The following MAP3K19 variants were observed in gnomAD, a reference collection of about 807,000 sequenced individuals.
MAP3K19 encodes the protein SPS1/STE20-related protein kinase YSK4.
MAP3K19 carries 91 observed loss-of-function variants against 114.4 expected under a neutral mutation model. The ratio of observed to expected loss-of-function variants is 0.80; its 90% CI spans 0.67 to 0.95. MAP3K19 has a LOEUF of 0.95. MAP3K19 is among the 40% of genes least tolerant of loss of function. The pLI, the probability that MAP3K19 is intolerant of heterozygous loss-of-function variation, is 0.00. For missense variants in MAP3K19, 1,471 were observed against 1,573.2 expected, an observed-to-expected ratio of 0.94 and a Z score of 1.10; for synonymous variants, 518 against 530.5, an observed-to-expected ratio of 0.98 and a Z score of 0.32.
chr2:135,005,734 A>G (rs1440349580), intron 5 of MAP3K19, among the ~76,000 whole-genome samples: 1 of 152,228 alleles, frequency 6.6e-6, no homozygotes, highest in Non-Finnish European at 1.5e-5. Flanking sequence ...GATTAATTGC[A>G]TAATCAAAAA....
chr2:135,039,606 A>T (rs1688607271), intron 2 of MAP3K19, among the ~76,000 whole-genome samples: 1 of 152,110 alleles, frequency 6.6e-6, no homozygotes, highest in Admixed American at 6.6e-5. Context: ...CAAACAAAAA[A>T]ACAAAGTCCC....
chr2:134,997,549 A>G (rs61134960), intron 8 of MAP3K19, among the ~76,000 whole-genome samples: 56,701 of 151,812 alleles, frequency 0.37, 11,769 homozygotes, highest in East Asian at 0.73. Context: ...GGCCAGGCGC[A>G]GTGGCTCACA....
At chr2:135,006,437 A>G (rs1272252836) in intron 5 of MAP3K19, among the ~76,000 whole-genome samples, 1 of 152,234 alleles carries the variant, frequency 6.6e-6, no homozygotes, top group East Asian at 1.9e-4. Context: ...AAATTCTCTG[A>G]TAGCTCATTT....
At chr2:134,977,185 C>CTT (rs113967823) in intron 12 of MAP3K19, among the ~76,000 whole-genome samples, 14 of 141,698 alleles carry the variant, frequency 9.9e-5, no homozygotes, top group South Asian at 6.6e-4. Flanking sequence ...CCCCCACCCA[C>CTT]TTTTTTTTTT....
chr2:134,979,331 A>G (rs1463553878), intron 12 of MAP3K19, among the ~76,000 whole-genome samples: 5 of 152,166 alleles, frequency 3.3e-5, no homozygotes, highest in Admixed American at 3.3e-4. Context: ...CCTTCACAAT[A>G]ACCCTGTTAA....
intron 10 of MAP3K19, 114 bp from the exon 11 acceptor site, chr2:134,983,939 C>G (rs1684904300): frequency 4.4e-6 from 3 of 678,160 alleles, no homozygotes; most frequent in Non-Finnish European, 7.4e-6. Context: ...GCCACTCTTA[C>G]AGGTAACTTC....
intron 4 of MAP3K19, among the ~76,000 whole-genome samples, chr2:135,024,000 T>C (rs1688151904): frequency 6.6e-6 from 1 of 152,168 alleles, no homozygotes; most frequent in Non-Finnish European, 1.5e-5. Context: ...TTCCCTGACA[T>C]GAACTTTCAG....
At chr2:135,020,329 TA>T (rs1292608217) in intron 5 of MAP3K19, among the ~76,000 whole-genome samples, 1 of 152,168 alleles carries the variant, frequency 6.6e-6, no homozygotes, top group African/African-American at 2.4e-5. Context: ...CTTTCTTTTT[TA>T]AAAAATTGAG....
In MAP3K19 at chr2:134,983,675, C is replaced by A; in HGVS notation, c.3222+1G>T. The A allele has an allele frequency of 6.5e-7, 1 of 1,543,668 alleles. No homozygotes were observed. Among genetic ancestry groups the A allele is most frequent in the Non-Finnish European group, 8.7e-7 (1 of 1,150,756 alleles). ...GATTTCAAGTTTCCAGTTTAACTTA[C>A]TGTGCCGTAGGCTCCCTTTCCAAGA... On this transcript the variant is annotated splice_donor_variant, in intron 11 of 12. Transcript: ENST00000392915. LOFTEE classifies it high-confidence loss of function.
intron 8 of MAP3K19, among the ~76,000 whole-genome samples, chr2:134,994,093 C>A (rs1454172156): frequency 6.6e-6 from 1 of 152,112 alleles, no homozygotes; most frequent in Non-Finnish European, 1.5e-5. Context: ...CCAATCCCTC[C>A]ACAAATCACA....
Position 134,986,833 on chromosome 2 carries a change from T to C in MAP3K19, c.2039A>G (p.Asp680Gly). The change falls in exon 10 of 13, where the codon GAT (aspartate) becomes GGT (glycine). Residue 680 changes from aspartate to glycine, a missense_variant. Asp to Gly is a moderately conservative substitution (Grantham distance 94). Transcript: ENST00000392915. ...VYCHVRETER[D>G]ENTYYREICS... is the part of the protein sequence containing the mutation. Reference sequence around the variant, plus strand: ...TATCTCACGGTAATACGTGTTTTCATCCCTTTCAGTCTCTCGCACATGACA... The same window carrying C: ...TATCTCACGGTAATACGTGTTTTCACCCCTTTCAGTCTCTCGCACATGACA... The C allele has an allele frequency of 6.2e-7, 1 of 1,614,230 alleles. No homozygotes were observed. Among genetic ancestry groups the C allele is most frequent in the Non-Finnish European group, 8.5e-7 (1 of 1,180,040 alleles).
intron 5 of MAP3K19, among the ~76,000 whole-genome samples, chr2:135,010,656 C>T (rs182336691): frequency 6.6e-6 from 1 of 152,218 alleles, no homozygotes; most frequent in African/African-American, 2.4e-5. Context: ...GACATGGGAG[C>T]TCACTCTGTC....
In MAP3K19 at chr2:134,999,480, T is replaced by C. The variant is rs1686279928; in HGVS notation, c.314+457A>G. ...AGCCTCAATTTGTTTCACTACCCGA[T>C]CAATGAACGTAAGTTATTTGCCAAA... On this transcript the variant is annotated intron_variant, in intron 7 of 12. Transcript: ENST00000392915. This position sits in a 1 kb window ranked among gnomAD's most constrained non-coding sequence, Gnocchi z 4.1. Among the ~76,000 whole-genome samples the C allele has an allele frequency of 6.6e-6, 1 of 152,218 alleles. No individual in the cohort carries two copies. The highest frequency in any genetic ancestry group is 1.9e-4 in the East Asian group (1 of 5,200).
At chr2:135,017,373 G>T (rs1489795353) in intron 5 of MAP3K19, among the ~76,000 whole-genome samples, 8 of 152,198 alleles carry the variant, frequency 5.3e-5, no homozygotes, top group African/African-American at 1.9e-4. Context: ...ATGGGAGCTA[G>T]GTGGGGAAGG....
chr2:135,014,585 T>TAC lies in MAP3K19; in HGVS notation c.138+7128_138+7129dup, dbSNP rs549444206. Reference sequence around the variant, plus strand: ...CATTACTTTTGATTTTAGTATAGCATACATTCAGAAAAGTTCACTTACCAT... The same window carrying TAC: ...CATTACTTTTGATTTTAGTATAGCATACACATTCAGAAAAGTTCACTTACCAT... On this transcript the variant is annotated intron_variant, in intron 5 of 12. Transcript: ENST00000392915. Among the ~76,000 whole-genome samples the TAC allele has an allele frequency of 3.3e-4, 51 of 152,314 alleles. No homozygotes were observed. In the East Asian group the frequency reaches 9.5e-3, roughly 28 times the overall value.
rs368489144 is a variant in MAP3K19 at position 135,027,564 on chromosome 2, C to A, written c.-95+2748G>T. On this transcript the variant is annotated intron_variant, in intron 3 of 12. Coordinates refer to ENST00000392915, the MANE Select transcript of MAP3K19 (RefSeq NM_025052.5). ...TGATGCCTTAGGAGCTGGGACAGAA[C>A]TTCCACAGGTTTGTACACTGTTAAC... Among the ~76,000 whole-genome samples, 33 of 152,256 alleles carry A rather than the reference C, an allele frequency of 2.2e-4. No homozygotes were observed. The South Asian group carries it at 5.8e-3, about 27-fold the overall frequency.
chr2:135,001,004 T>C (rs1461305939), intron 6 of MAP3K19, among the ~76,000 whole-genome samples: 1 of 152,108 alleles, frequency 6.6e-6, no homozygotes, highest in Non-Finnish European at 1.5e-5. Context: ...TCTAAATTAG[T>C]AGATTTTTAT....
intron 12 of MAP3K19, among the ~76,000 whole-genome samples, chr2:134,968,801 G>A (rs1165886900): frequency 6.6e-6 from 1 of 151,882 alleles, no homozygotes; most frequent in Non-Finnish European, 1.5e-5. Flanking sequence ...TGGCGGCTGG[G>A]AAGAGGCGCT....
chr2:135,016,106 A>T (rs1687572157), intron 5 of MAP3K19, among the ~76,000 whole-genome samples: 1 of 152,102 alleles, frequency 6.6e-6, no homozygotes, highest in South Asian at 2.1e-4. Context: ...AATTGAAAAA[A>T]ATTATCCGGG....
Sources: gnomAD v4.1 joint callset for allele counts (sites outside exome capture counted in the v4.1 genomes callset) on GRCh38, gnomAD v4.1.1 for gene constraint, Gnocchi (gnomAD v3.1) non-coding constraint, MANE v1.5 for transcripts, NCBI Gene and HGNC (gene_info 2026-07-23, HGNC 2026-07-21) for gene names.